The following DISP1 variants were observed in gnomAD, a reference collection of about 807,000 sequenced individuals.
DISP1 encodes protein dispatched homolog 1.
A neutral mutation model predicts 37.3 loss-of-function variants in DISP1; 30 were observed. That is an observed-to-expected ratio of 0.80 (90% CI 0.60 to 1.09). The LOEUF (loss-of-function observed/expected upper bound fraction) is 1.09, where lower values mean the gene tolerates loss of function less well. DISP1 is among the 50% of genes least tolerant of loss of function. The pLI, the probability that DISP1 is intolerant of heterozygous loss-of-function variation, is 0.00. For synonymous variants in DISP1, 634 were observed against 690.2 expected, an observed-to-expected ratio of 0.92 and a Z score of 1.28; for missense variants, 1,598 against 1,879.5, an observed-to-expected ratio of 0.85 and a Z score of 2.77.
chr1:222,885,873 C>A (rs1316214592), intron 1 of DISP1, among the ~76,000 whole-genome samples: 1 of 150,770 alleles, frequency 6.6e-6, no homozygotes, highest in Admixed American at 6.6e-5. Flanking sequence ...TGGGGATACA[C>A]ACACACACAC....
chr1:223,004,002 G>A lies in DISP1; in HGVS notation c.2605G>A (p.Ala869Thr). The change falls in exon 9 of 9, where the codon GCC becomes ACC. Residue 869 changes from alanine (A) to threonine (T), a missense_variant. Transcript: ENST00000675850. The surrounding 1 kb of genome is among the most constrained non-coding windows in gnomAD (Gnocchi z 4.9). ...GGAAAACCAGGACTGTGATGAGCCT[G>A]CCCTGTACCCATGCTGCAGCCACTG... ...WMENQDCDEP[A>T]LYPCCSHWSF... 2 of 1,614,144 alleles carry A rather than the reference G, an allele frequency of 1.2e-6. No individual in the cohort carries two copies. Among genetic ancestry groups the A allele is most frequent in the Non-Finnish European group, 1.7e-6 (2 of 1,180,026 alleles).
At chr1:222,834,521 T>C (rs1486528937) in intron 1 of DISP1, among the ~76,000 whole-genome samples, 1 of 152,144 alleles carries the variant, frequency 6.6e-6, no homozygotes, top group Non-Finnish European at 1.5e-5. Flanking sequence ...ATCTAGACCA[T>C]AAAGGCGTAC....
At chr1:222,851,778 T>C (rs1668250533) in intron 1 of DISP1, among the ~76,000 whole-genome samples, 1 of 148,060 alleles carries the variant, frequency 6.8e-6, no homozygotes, top group Non-Finnish European at 1.5e-5. Flanking sequence ...AAATATTTCT[T>C]TTTTTTTTTT....
intron 3 of DISP1, among the ~76,000 whole-genome samples, chr1:222,949,711 C>T (rs1675069529): frequency 6.6e-6 from 1 of 152,174 alleles, no homozygotes; most frequent in Non-Finnish European, 1.5e-5. Flanking sequence ...ACTGCAACCT[C>T]CACCTCCTGG....
At chr1:222,868,609 C>A (rs1328207666) in intron 1 of DISP1, among the ~76,000 whole-genome samples, 1 of 151,946 alleles carries the variant, frequency 6.6e-6, no homozygotes, top group African/African-American at 2.4e-5. Context: ...CCATTTATAG[C>A]TTTTTGTATT....
chr1:222,850,601 C>T (rs1171257881), intron 1 of DISP1, among the ~76,000 whole-genome samples: 4 of 152,136 alleles, frequency 2.6e-5, no homozygotes, highest in Non-Finnish European at 5.9e-5. Context: ...CCACTCTCCC[C>T]CATCAAGTAG....
intron 3 of DISP1, among the ~76,000 whole-genome samples, chr1:222,969,555 C>T (rs940366702): frequency 1.3e-5 from 2 of 151,692 alleles, no homozygotes; most frequent in African/African-American, 2.4e-5. Context: ...TCTAACGTAA[C>T]GTAGTAGTAT....
intron 1 of DISP1, among the ~76,000 whole-genome samples, chr1:222,817,397 A>T (rs1202961732): frequency 1.3e-5 from 2 of 152,212 alleles, no homozygotes; most frequent in Non-Finnish European, 2.9e-5. Context: ...CTAGTTTGTA[A>T]AATACGAAAT....
chr1:222,897,993 T>C (rs889859407), intron 1 of DISP1, among the ~76,000 whole-genome samples: 13 of 152,168 alleles, frequency 8.5e-5, no homozygotes, highest in Non-Finnish European at 1.3e-4. Flanking sequence ...TGTAATTTTT[T>C]CCCCTGCTTT....
intron 8 of DISP1, among the ~76,000 whole-genome samples, chr1:222,995,785 A>G (rs557956776): frequency 1.2e-4 from 19 of 152,284 alleles, no homozygotes; most frequent in African/African-American, 3.9e-4. Context: ...TAACTCTAAA[A>G]TGTAAAATGA....
intron 1 of DISP1, chr1:222,835,047 C>T (rs1666712782): frequency 6.6e-6 from 1 of 151,802 alleles, no homozygotes; most frequent in Non-Finnish European, 1.5e-5. Context: ...ATGAACATTC[C>T]AAATGTTGTT....
chr1:222,956,309 G>A (rs118000773), intron 3 of DISP1, among the ~76,000 whole-genome samples: 1 of 152,276 alleles, frequency 6.6e-6, no homozygotes, highest in East Asian at 1.9e-4. Context: ...CCTAGCCCTG[G>A]ACAGGAAGGA....
At chr1:222,984,513 G>C (rs972806037) in intron 4 of DISP1, among the ~76,000 whole-genome samples, 1 of 145,168 alleles carries the variant, frequency 6.9e-6, no homozygotes, top group Non-Finnish European at 1.5e-5. Flanking sequence ...TATAACATAG[G>C]TTTATATGTT....
chr1:222,922,822 A>G (rs183506199), intron 1 of DISP1, among the ~76,000 whole-genome samples: 1 of 152,320 alleles, frequency 6.6e-6, no homozygotes, highest in East Asian at 1.9e-4. Context: ...AACAGAATTA[A>G]GAAGATCTGC....
intron 1 of DISP1, among the ~76,000 whole-genome samples, chr1:222,842,184 A>G (rs183619150): frequency 3.2e-4 from 48 of 152,138 alleles, no homozygotes; most frequent in African/African-American, 1.2e-3. Flanking sequence ...TTACTGCTAT[A>G]TGCAGCTCTT....
Position 222,967,116 on chromosome 1 carries a change from T to C in DISP1, c.510-15964T>C, listed in dbSNP as rs909442774. On this transcript the variant is annotated intron_variant, in intron 3 of 8. Transcript: ENST00000675850. The stretch of plus-strand genomic sequence containing the variant: ...TCACCATCTTCACATCAAGGGGGAA[T>C]AGATCTACATATATATATATCTACA... Among the ~76,000 whole-genome samples, 28 of 118,142 alleles carry C rather than the reference T, an allele frequency of 2.4e-4. No homozygotes were observed. The Admixed American group carries it at 2.5e-3, about 10-fold the overall frequency. The allele number at this position is 118,142 out of a possible 152,430, so 77.5% of individuals were successfully genotyped here.
At chr1:222,943,746 C>T (rs544185130) in intron 3 of DISP1, among the ~76,000 whole-genome samples, 9 of 152,170 alleles carry the variant, frequency 5.9e-5, no homozygotes, top group Admixed American at 2.6e-4. Context: ...AACCCCTTGC[C>T]GGCCAGATGC....
chr1:223,005,887 A>C lies in DISP1; in HGVS notation c.4490A>C (p.Gln1497Pro). The C allele has an allele frequency of 6.2e-7, 1 of 1,614,238 alleles. No individual in the cohort carries two copies. ...GTGAAGTGCAATTCTGTGGACTGTC[A>C]AATGCCAAACATGGAAGCCAATGTG... ...VRVKCNSVDC[Q>P]MPNMEANVPA... Residue 1497 changes from glutamine (Q) to proline (P), a missense_variant, in exon 9 of 9, where the codon CAA becomes CCA. By Grantham distance (76) the Gln-to-Pro change is moderately conservative. Transcript: ENST00000675850.
At chr1:222,936,843 C>A (rs1478083598) in intron 2 of DISP1, among the ~76,000 whole-genome samples, 62 of 40,520 alleles carry the variant, frequency 1.5e-3, no homozygotes, top group South Asian at 6.3e-3. Context: ...TTATATATAT[C>A]ATATATATGA....
Sources: allele counts gnomAD v4.1 joint callset (sites outside exome capture counted in the v4.1 genomes callset), GRCh38; gene constraint gnomAD v4.1.1; non-coding constraint Gnocchi (gnomAD v3.1); transcripts MANE v1.5; gene names NCBI Gene and HGNC (gene_info 2026-07-23, HGNC 2026-07-21).